Variants in RGS6 observed in about 807,000 individuals in gnomAD.
RGS6 encodes the protein regulator of G-protein signaling 6.
Under a neutral mutation model 78.5 loss-of-function variants are expected in RGS6, and 30 were observed. The ratio of observed to expected loss-of-function variants is 0.38; its 90% confidence interval spans 0.29 to 0.52. The LOEUF is 0.52. RGS6 is among the 20% of genes least tolerant of loss of function. The probability of loss-of-function intolerance (pLI) is 0.85; values close to 1 mark genes in which losing one functional copy is unlikely to be tolerated. For missense variants in RGS6, 495 were observed against 609.7 expected (o/e 0.81, Z 1.98); for synonymous variants, 206 against 206.0 (o/e 1.00, Z 0.00).
intron 17 of RGS6, among the ~76,000 whole-genome samples, chr14:72,554,700 G>A (rs962227643): frequency 2.0e-5 from 3 of 152,154 alleles, no homozygotes; most frequent in African/African-American, 7.2e-5. Flanking sequence ...CCTGCAAGCT[G>A]AGAGAAGAAA....
chr14:72,471,308 C>T (rs994768455), intron 8 of RGS6, among the ~76,000 whole-genome samples: 22 of 152,166 alleles, frequency 1.4e-4, no homozygotes, highest in African/African-American at 4.8e-4. Context: ...CCACAAACAT[C>T]GTTGTCAACC....
chr14:72,087,798 G>T (rs1045196198), intron 2 of RGS6, among the ~76,000 whole-genome samples: 1 of 151,972 alleles, frequency 6.6e-6, no homozygotes, highest in African/African-American at 2.4e-5. Flanking sequence ...CCACAAATGG[G>T]CCAGTGATGA....
At chr14:72,500,227 C>T (rs925702934) in intron 13 of RGS6, among the ~76,000 whole-genome samples, 2 of 152,202 alleles carry the variant, frequency 1.3e-5, no homozygotes, top group African/African-American at 2.4e-5. Context: ...GTTCTAGCTT[C>T]GACTCTGAAC....
At chr14:72,431,673 C>T (rs1037397431) in intron 3 of RGS6, among the ~76,000 whole-genome samples, 1 of 152,046 alleles carries the variant, frequency 6.6e-6, no homozygotes, top group African/African-American at 2.4e-5. Context: ...GTGCTTTATA[C>T]TTATCTTTCT....
At chr14:72,544,945 G>T (rs933360175) in intron 17 of RGS6, among the ~76,000 whole-genome samples, 3 of 152,188 alleles carry the variant, frequency 2.0e-5, no homozygotes, top group Non-Finnish European at 4.4e-5. Flanking sequence ...AATCAGGGCA[G>T]TCAGCCAACC....
At chr14:72,347,817 AC>A (rs1349920991) in intron 2 of RGS6, among the ~76,000 whole-genome samples, 2 of 152,206 alleles carry the variant, frequency 1.3e-5, no homozygotes, top group African/African-American at 4.8e-5. Context: ...ACAAAGAGTT[AC>A]CCCTTTTTAA....
At chr14:72,193,155 G>A (rs2097349784) in intron 2 of RGS6, among the ~76,000 whole-genome samples, 1 of 152,026 alleles carries the variant, frequency 6.6e-6, no homozygotes, top group Admixed American at 6.5e-5. Context: ...CACCACACCT[G>A]GCTAATTTTT....
intron 2 of RGS6, among the ~76,000 whole-genome samples, chr14:72,332,111 G>A (rs1024464009): frequency 5.9e-5 from 9 of 152,188 alleles, no homozygotes; most frequent in African/African-American, 2.2e-4. Context: ...CTTAGGAGGT[G>A]CAGCCTGTGG....
chr14:72,205,666 A>G (rs1172041650), intron 2 of RGS6, among the ~76,000 whole-genome samples: 1 of 152,262 alleles, frequency 6.6e-6, no homozygotes, highest in East Asian at 1.9e-4. Flanking sequence ...ATAAATTAAT[A>G]TTGTGTGCAA....
intron 2 of RGS6, among the ~76,000 whole-genome samples, chr14:72,156,307 G>C (rs183882021): frequency 6.6e-6 from 1 of 152,046 alleles, no homozygotes; most frequent in Admixed American, 6.6e-5. Context: ...TTAGCTGGGC[G>C]TGGTGGCACG....
At chr14:71,943,294 G>A (rs535901958) in intron 1 of RGS6, among the ~76,000 whole-genome samples, 1 of 152,124 alleles carries the variant, frequency 6.6e-6, no homozygotes, top group African/African-American at 2.4e-5. Context: ...TACCCTTTGA[G>A]TATGTGTGAC....
chr14:72,305,152 G>A (rs920749346), intron 2 of RGS6, among the ~76,000 whole-genome samples: 10 of 152,146 alleles, frequency 6.6e-5, no homozygotes, highest in Non-Finnish European at 1.5e-4. Context: ...ATTGACTCGA[G>A]GAAGCTTTTC....
At chr14:72,473,305 G>A (rs1299933662) in intron 9 of RGS6, among the ~76,000 whole-genome samples, 2 of 152,172 alleles carry the variant, frequency 1.3e-5, no homozygotes, top group African/African-American at 2.4e-5. Context: ...TTAGCCGGGC[G>A]TGGTGGCAGG....
intron 17 of RGS6, among the ~76,000 whole-genome samples, chr14:72,557,228 A>AT (rs1388870320): frequency 6.7e-6 from 1 of 148,974 alleles, no homozygotes; most frequent in East Asian, 2.1e-4. Flanking sequence ...TAGAGAATTT[A>AT]AAAAGTGTTT....
the RGS6 span, among the ~76,000 whole-genome samples, chr14:72,595,639 T>C: frequency 6.6e-6 from 1 of 152,224 alleles, no homozygotes; most frequent in Non-Finnish European, 1.5e-5. Context: ...ATAAGGCTGA[T>C]TCACCATCAG....
At chr14:72,550,959 C>A (rs949980347) in intron 17 of RGS6, among the ~76,000 whole-genome samples, 2 of 152,082 alleles carry the variant, frequency 1.3e-5, no homozygotes, top group Non-Finnish European at 2.9e-5. Context: ...CCTGCCTCAG[C>A]CTCCTGAGTA....
At chr14:72,248,401 TTATGTTAACA>T (rs2054778822) in intron 2 of RGS6, among the ~76,000 whole-genome samples, 1 of 152,186 alleles carries the variant, frequency 6.6e-6, no homozygotes, top group African/African-American at 2.4e-5. Context: ...AATTTCCTAT[TTATGTTAACA>T]TATGAGTTTA....
At chr14:72,236,759 C>T (rs1350945579) in intron 2 of RGS6, among the ~76,000 whole-genome samples, 2 of 151,836 alleles carry the variant, frequency 1.3e-5, no homozygotes, top group Non-Finnish European at 2.9e-5. Context: ...GACAGGGCTG[C>T]GGCCAGAGAG....
chr14:72,329,650 A>G (rs1455436641), intron 2 of RGS6, among the ~76,000 whole-genome samples: 1 of 152,232 alleles, frequency 6.6e-6, no homozygotes, highest in Non-Finnish European at 1.5e-5. Context: ...GGGCCTGGTA[A>G]AGGTTCATTT....
Sources: gnomAD v4.1 joint callset for allele counts (sites outside exome capture counted in the v4.1 genomes callset) on GRCh38, gnomAD v4.1.1 for gene constraint, MANE v1.5 for transcripts, NCBI Gene and HGNC (gene_info 2026-07-23, HGNC 2026-07-21) for gene names.